RFX3: variants seen among roughly 807,000 people sequenced by gnomAD.
The protein encoded by RFX3 is regulatory factor X3, also known as transcription factor RFX3.
In RFX3, 14 loss-of-function variants were observed where a neutral mutation model predicts 98.6. The observed-to-expected ratio is 0.14, with a 90% CI of 0.09 to 0.22. The LOEUF (loss-of-function observed/expected upper bound fraction) is 0.22. Ranked by LOEUF, RFX3 falls within the 10% of genes least tolerant of loss-of-function variation. The pLI is 1.00. For synonymous variants in RFX3, 383 were observed against 328.4 expected (o/e 1.17, Z -1.80); for missense variants, 639 against 926.9 (o/e 0.69, Z 4.03).
intron 1 of RFX3, among the ~76,000 whole-genome samples, chr9:3,503,242 T>C (rs149565547): frequency 0.012 from 1,775 of 152,290 alleles, 28 homozygotes; most frequent in South Asian, 0.031. Context: ...AGTATAATCA[T>C]TGAACCGGCC....
chr9:3,505,140 TA>T (rs1325575937), intron 1 of RFX3, among the ~76,000 whole-genome samples: 4 of 99,248 alleles, frequency 4.0e-5, no homozygotes, highest in Non-Finnish European at 7.1e-5. Flanking sequence ...TATATTTATA[TA>T]TTATATGAAT....
At chr9:3,375,929 C>T (rs1838426826) in intron 2 of RFX3, among the ~76,000 whole-genome samples, 1 of 151,536 alleles carries the variant, frequency 6.6e-6, no homozygotes, top group African/African-American at 2.4e-5. Flanking sequence ...CACTGCACTC[C>T]AGCCTGGGTG....
chr9:3,226,481 G>A (rs1367892968), intron 16 of RFX3, among the ~76,000 whole-genome samples: 3 of 152,182 alleles, frequency 2.0e-5, no homozygotes, highest in Non-Finnish European at 4.4e-5. Flanking sequence ...TCTGAGAAAT[G>A]GCAATTTGTG....
intron 8 of RFX3, 126 bp downstream of exon 8, chr9:3,277,214 G>T: frequency 1.2e-6 from 1 of 818,592 alleles, no homozygotes; most frequent in Non-Finnish European, 2.0e-6. Context: ...CATATGATGT[G>T]CATAATTTTG....
At chr9:3,279,363 G>C (rs1012161070) in intron 7 of RFX3, among the ~76,000 whole-genome samples, 1 of 151,876 alleles carries the variant, frequency 6.6e-6, no homozygotes, top group Non-Finnish European at 1.5e-5. Flanking sequence ...AATGGAGTTT[G>C]GGATTCACAG....
Position 3,449,553 on chromosome 9 carries a change from C to T in RFX3, c.-8-53957G>A, listed in dbSNP as rs529018735. The stretch of plus-strand genomic sequence containing the variant: ...CATTGATTTAAAAGACTATTCTTTA[C>T]AGTTAAACTAACATACGGAAAATTG... On this transcript the variant is annotated intron_variant, in intron 1 of 16. Coordinates refer to ENST00000617270, the MANE Select transcript of RFX3 (RefSeq NM_001282116.2). Among the ~76,000 whole-genome samples, 17 of 152,278 alleles carry T rather than the reference C, an allele frequency of 1.1e-4. No individual in the cohort carries two copies. The East Asian group carries it at 3.3e-3, about 29-fold the overall frequency.
intron 1 of RFX3, among the ~76,000 whole-genome samples, chr9:3,470,372 T>C (rs939583049): frequency 6.6e-5 from 10 of 151,286 alleles, no homozygotes; most frequent in African/African-American, 2.4e-4. Context: ...TGGAGTGCAG[T>C]GGTGCGATCT....
At chr9:3,459,551 C>T (rs949519485) in intron 1 of RFX3, among the ~76,000 whole-genome samples, 7 of 151,846 alleles carry the variant, frequency 4.6e-5, no homozygotes, top group South Asian at 2.1e-4. Flanking sequence ...AAAAGCGACC[C>T]GAATCAAAAT....
intron 1 of RFX3, among the ~76,000 whole-genome samples, chr9:3,422,606 T>C (rs947543276): frequency 1.3e-5 from 2 of 152,250 alleles, no homozygotes; most frequent in African/African-American, 4.8e-5. Flanking sequence ...ACTTGAATCA[T>C]TCAATATGCC....
intron 4 of RFX3, among the ~76,000 whole-genome samples, chr9:3,309,167 T>C (rs1829678524): frequency 6.6e-6 from 1 of 152,160 alleles, no homozygotes; most frequent in Non-Finnish European, 1.5e-5. Context: ...CATGCATATT[T>C]TGTGACAGAC....
chr9:3,355,948 C>T (rs577974904), intron 2 of RFX3, among the ~76,000 whole-genome samples: 4 of 151,860 alleles, frequency 2.6e-5, no homozygotes, highest in Non-Finnish European at 5.9e-5. Context: ...TGGTTTATAT[C>T]ATGAAGAAAT....
intron 2 of RFX3, among the ~76,000 whole-genome samples, chr9:3,352,734 T>A (rs565844718): frequency 6.6e-6 from 1 of 152,146 alleles, no homozygotes; most frequent in African/African-American, 2.4e-5. Flanking sequence ...AAGATGGTGA[T>A]CCTTAAGAGA....
chr9:3,478,377 G>A (rs12341179), intron 1 of RFX3, among the ~76,000 whole-genome samples: 2,009 of 143,890 alleles, frequency 0.014, 54 homozygotes, highest in African/African-American at 0.047. Flanking sequence ...TGTATTCCCC[G>A]TAGTGTGTGG....
Position 3,429,311 on chromosome 9 carries a change from C to T in RFX3, c.-8-33715G>A, listed in dbSNP as rs1018341482. 3.3e-5 allele frequency among the ~76,000 whole-genome samples: 5 copies of T among 150,742 alleles called. No individual in the cohort carries two copies. The East Asian group carries it at 5.8e-4, about 17-fold the overall frequency. On this transcript the variant is annotated intron_variant, in intron 1 of 16. Transcript: ENST00000617270. ...TGCTGGGATTACAGGCGTGAGCCACCGCGCCCGGCCAATTTTTAGTTATTC... is the reference window on the plus strand; with the variant it reads ...TGCTGGGATTACAGGCGTGAGCCACTGCGCCCGGCCAATTTTTAGTTATTC...
At chr9:3,517,646 G>A (rs1203784426) in intron 1 of RFX3, among the ~76,000 whole-genome samples, 1 of 152,180 alleles carries the variant, frequency 6.6e-6, no homozygotes, top group African/African-American at 2.4e-5. Flanking sequence ...AACAACAGCA[G>A]GCATCTGTGA....
chr9:3,335,983 G>A (rs1159213090), intron 3 of RFX3, among the ~76,000 whole-genome samples: 1 of 151,896 alleles, frequency 6.6e-6, no homozygotes, highest in Admixed American at 6.6e-5. Flanking sequence ...TTATCTTCAG[G>A]TGTCTTATCC....
chr9:3,403,905 A>C (rs1296246654), intron 1 of RFX3, among the ~76,000 whole-genome samples: 1 of 152,034 alleles, frequency 6.6e-6, no homozygotes, highest in Non-Finnish European at 1.5e-5. Context: ...ATCAGAAAAG[A>C]CTCCAATGAC....
chr9:3,489,740 T>C (rs1374610953), intron 1 of RFX3, among the ~76,000 whole-genome samples: 1 of 152,162 alleles, frequency 6.6e-6, no homozygotes, highest in Admixed American at 6.5e-5. Flanking sequence ...CAGGGTCACA[T>C]ATGGGTATCA....
intron 1 of RFX3, among the ~76,000 whole-genome samples, chr9:3,521,337 G>C (rs1035063486): frequency 2.6e-5 from 4 of 152,086 alleles, no homozygotes; most frequent in African/African-American, 9.7e-5. Context: ...ATTAGTACAC[G>C]AAGTTAGGTT....
Sources: gnomAD v4.1 joint callset for allele counts (sites outside exome capture counted in the v4.1 genomes callset) on GRCh38, gnomAD v4.1.1 for gene constraint, MANE v1.5 for transcripts, NCBI Gene and HGNC (gene_info 2026-07-23, HGNC 2026-07-21) for gene names.